PTBP3: variants seen among roughly 807,000 people sequenced by gnomAD.
The protein encoded by PTBP3 is polypyrimidine tract binding protein 3.
Under a neutral mutation model 58.7 loss-of-function variants are expected in PTBP3, and 20 were observed. That is an observed-to-expected ratio of 0.34 (90% CI 0.24 to 0.50). PTBP3 has a LOEUF of 0.50. PTBP3 is among the 20% of genes least tolerant of loss of function. The pLI is 0.98. For synonymous variants in PTBP3, 185 were observed against 219.8 expected (o/e 0.84, Z 1.40); for missense variants, 509 against 637.2 (o/e 0.80, Z 2.17).
chr9:112,315,119 C>T (rs1829650983), intron 1 of PTBP3, among the ~76,000 whole-genome samples: 1 of 152,092 alleles, frequency 6.6e-6, no homozygotes, highest in Non-Finnish European at 1.5e-5. Flanking sequence ...GCATGAGCCA[C>T]CGCCCCCGGC....
At chr9:112,275,780 A>T (rs1827583606) in intron 3 of PTBP3, 64 bp downstream of exon 3, 2 of 1,362,832 alleles carry the variant, frequency 1.5e-6, no homozygotes, top group African/African-American at 1.5e-5. Flanking sequence ...AAGAAAATAA[A>T]AATTATCAGT....
chr9:112,342,643 G>A, the PTBP3 span, among the ~76,000 whole-genome samples: 1 of 152,050 alleles, frequency 6.6e-6, no homozygotes, highest in South Asian at 2.1e-4. Flanking sequence ...TTGAACCCAG[G>A]AGGCAGAGGT....
chr9:112,302,565 C>T (rs1303276132), intron 1 of PTBP3, among the ~76,000 whole-genome samples: 5 of 144,562 alleles, frequency 3.5e-5, no homozygotes, highest in Non-Finnish European at 1.5e-5. Flanking sequence ...ATCCCAAAAG[C>T]TGACTATATT....
At chr9:112,292,139 TGAA>T (rs1828461408) in intron 2 of PTBP3, among the ~76,000 whole-genome samples, 1 of 152,296 alleles carries the variant, frequency 6.6e-6, no homozygotes, top group East Asian at 1.9e-4. Context: ...GACATTTCTC[TGAA>T]GAAGATATAC....
At chr9:112,230,509 T>C (rs1835159391) in intron 10 of PTBP3, among the ~76,000 whole-genome samples, 1 of 152,130 alleles carries the variant, frequency 6.6e-6, no homozygotes, top group Admixed American at 6.5e-5. Flanking sequence ...CAAAAATTGG[T>C]GGATTACATG....
intron 3 of PTBP3, among the ~76,000 whole-genome samples, chr9:112,271,478 T>C (rs1169151324): frequency 6.6e-6 from 1 of 152,162 alleles, no homozygotes; most frequent in Non-Finnish European, 1.5e-5. Context: ...CCCAATACTT[T>C]GGGAGGCTGC....
the PTBP3 span, among the ~76,000 whole-genome samples, chr9:112,350,756 T>C: frequency 6.6e-6 from 1 of 152,186 alleles, no homozygotes; most frequent in Non-Finnish European, 1.5e-5. Flanking sequence ...CAGAAATATC[T>C]CAGAGTCTCT....
chr9:112,234,022 T>G (rs2131993063), intron 8 of PTBP3, among the ~76,000 whole-genome samples: 1 of 152,204 alleles, frequency 6.6e-6, no homozygotes, highest in Admixed American at 6.5e-5. Context: ...AGAAAGCAGC[T>G]ATGTTGCAAT....
intron 4 of PTBP3, among the ~76,000 whole-genome samples, chr9:112,266,834 C>T (rs1179848172): frequency 6.6e-6 from 1 of 152,070 alleles, no homozygotes; most frequent in African/African-American, 2.4e-5. Flanking sequence ...TTCTCTTTTA[C>T]TTTTCTTGAT....
Position 112,222,552 on chromosome 9 carries a change from C to G in PTBP3, c.*1299G>C, listed in dbSNP as rs1171431779. ...CCCTATCAGTCACAATGTAAAGAGGCCTACAGGTGTGCACTGAATTATTCC... is the reference window on the plus strand; with the variant it reads ...CCCTATCAGTCACAATGTAAAGAGGGCTACAGGTGTGCACTGAATTATTCC... On this transcript the variant is annotated 3_prime_UTR_variant, in exon 14 of 14. Coordinates refer to ENST00000374257, the MANE Select transcript of PTBP3 (RefSeq NM_001163788.4). 12 of 985,478 alleles carry G rather than the reference C, an allele frequency of 1.2e-5. No individual in the cohort carries two copies. The highest frequency in any genetic ancestry group is 1.3e-5 in the Non-Finnish European group (11 of 829,822). The allele number at this position is 985,478 out of a possible 1,614,324, so 61.0% of individuals were successfully genotyped here.
intron 2 of PTBP3, among the ~76,000 whole-genome samples, chr9:112,287,343 T>TG (rs1158274691): frequency 6.8e-5 from 7 of 103,322 alleles, no homozygotes; most frequent in Non-Finnish European, 1.2e-4. Flanking sequence ...AGTTTTTTGT[T>TG]TTTTTTTTTT....
At chr9:112,246,022 G>A (rs555797577) in intron 7 of PTBP3, among the ~76,000 whole-genome samples, 21 of 151,542 alleles carry the variant, frequency 1.4e-4, no homozygotes, top group Non-Finnish European at 2.5e-4. Flanking sequence ...TTGCTCTGTC[G>A]CCCAGACTGG....
intron 1 of PTBP3, among the ~76,000 whole-genome samples, chr9:112,311,377 C>G (rs985137305): frequency 1.3e-5 from 2 of 151,904 alleles, no homozygotes; most frequent in African/African-American, 4.8e-5. Flanking sequence ...AGCATTAAAT[C>G]GTATTATAAA....
chr9:112,316,801 G>A (rs1261428443), intron 1 of PTBP3, among the ~76,000 whole-genome samples: 5 of 151,854 alleles, frequency 3.3e-5, no homozygotes, highest in African/African-American at 7.3e-5. Context: ...GCGAAACACC[G>A]TCTCTACTAA....
chr9:112,280,702 C>G (rs1171437671), intron 2 of PTBP3, among the ~76,000 whole-genome samples: 1 of 152,048 alleles, frequency 6.6e-6, no homozygotes, highest in African/African-American at 2.4e-5. Context: ...AGAAACCCTA[C>G]TTGGTCATGA....
chr9:112,321,222 T>A (rs1829932808), intron 1 of PTBP3, among the ~76,000 whole-genome samples: 1 of 152,090 alleles, frequency 6.6e-6, no homozygotes, highest in Non-Finnish European at 1.5e-5. Flanking sequence ...TTGGAAGTTG[T>A]CACTTTTGCC....
intron 2 of PTBP3, among the ~76,000 whole-genome samples, chr9:112,279,442 GGAAAACTACTTGC>G (rs1827763783): frequency 6.6e-6 from 1 of 152,074 alleles, no homozygotes; most frequent in African/African-American, 2.4e-5. Context: ...GAATCTGTCA[GGAAAACTACTTGC>G]GAAACATGGA....
intron 1 of PTBP3, among the ~76,000 whole-genome samples, chr9:112,316,285 C>T (rs572765253): frequency 9.9e-5 from 15 of 152,154 alleles, no homozygotes; most frequent in Non-Finnish European, 1.8e-4. Context: ...GCAAAAATGA[C>T]GGAATGCCAC....
At chr9:112,350,037 GT>G in the PTBP3 span, among the ~76,000 whole-genome samples, 15 of 148,518 alleles carry the variant, frequency 1.0e-4, no homozygotes, top group South Asian at 2.1e-4. Flanking sequence ...TCCTCAGATG[GT>G]TTTTTTTTTA....
Sources: gnomAD v4.1 joint callset for allele counts (sites outside exome capture counted in the v4.1 genomes callset) on GRCh38, gnomAD v4.1.1 for gene constraint, MANE v1.5 for transcripts, NCBI Gene and HGNC (gene_info 2026-07-23, HGNC 2026-07-21) for gene names.